SHANK2: variants seen among roughly 807,000 people sequenced by gnomAD.
SHANK2 encodes SH3 and multiple ankyrin repeat domains 2, also known as SH3 and multiple ankyrin repeat domains protein 2.
A neutral mutation model predicts 133.7 loss-of-function variants in SHANK2; 43 were observed. That is an observed-to-expected ratio of 0.32 (90% CI 0.25 to 0.41). The LOEUF (loss-of-function observed/expected upper bound fraction) is 0.41, where lower values mean the gene tolerates loss of function less well. Ranked by LOEUF, SHANK2 falls within the 10% of genes least tolerant of loss-of-function variation. SHANK2 has a pLI of 1.00. For missense variants in SHANK2, 1,994 were observed against 2,235.8 expected (o/e 0.89, Z 2.18); for synonymous variants, 1,017 against 952.8 (o/e 1.07, Z -1.24).
At chr11:71,102,774 AC>A in intron 6 of SHANK2, among the ~76,000 whole-genome samples, 1 of 152,014 alleles carries the variant, frequency 6.6e-6, no homozygotes, top group African/African-American at 2.4e-5. Flanking sequence ...GAGAGCAGGG[AC>A]CCCCCAGGGC....
chr11:70,812,751 C>T (rs1411158835), intron 12 of SHANK2, among the ~76,000 whole-genome samples: 1 of 152,230 alleles, frequency 6.6e-6, no homozygotes, highest in African/African-American at 2.4e-5. Context: ...CTCCTGCTGT[C>T]CTGCCTGCAC....
intron 17 of SHANK2, among the ~76,000 whole-genome samples, chr11:70,518,094 T>C (rs1554970401): frequency 6.6e-6 from 1 of 152,162 alleles, no homozygotes; most frequent in Non-Finnish European, 1.5e-5. Context: ...TACATGACAG[T>C]AGAGAGATGA....
intron 10 of SHANK2, among the ~76,000 whole-genome samples, chr11:70,897,186 A>G (rs952802921): frequency 6.6e-6 from 1 of 152,198 alleles, no homozygotes; most frequent in East Asian, 1.9e-4. Flanking sequence ...GCAGTCAGGC[A>G]GGTAAAGCCA....
intron 2 of SHANK2, among the ~76,000 whole-genome samples, chr11:71,202,172 C>T (rs1954031770): frequency 6.6e-6 from 1 of 152,348 alleles, no homozygotes; most frequent in East Asian, 1.9e-4. Context: ...TTTAAGGCAT[C>T]TGCATGGGCC....
At position 70,492,432 on chromosome 11, in the gene SHANK2, G is replaced by T; in HGVS notation, c.2342C>A (p.Pro781His). The T allele has an allele frequency of 6.2e-7, 1 of 1,614,036 alleles. No homozygotes were observed. ...KPEEIVPASKPSRAAENMAVE... is the reference protein window; with the variant it reads ...KPEEIVPASKHSRAAENMAVE... ...AGCCATGTTCTCAGCAGCGCGGGAG[G>T]GCTTGGAGGCCGGGACTATCTCCTC... Residue 781 changes from proline to histidine, a missense_variant, in exon 22 of 26, where the codon CCC (proline) becomes CAC (histidine). Physicochemically the swap from Pro to His is moderately conservative, Grantham distance 77. This residue lies in a region of SHANK2 where 488 missense variants were observed against 642.6 expected (regional missense o/e 0.76). Transcript: ENST00000601538.
intron 17 of SHANK2, chr11:70,604,119 G>C (rs1454682590): frequency 6.6e-6 from 1 of 152,230 alleles, no homozygotes; most frequent in African/African-American, 2.4e-5. Flanking sequence ...CTGGAGGGAG[G>C]GACAGCCCCT....
intron 6 of SHANK2, among the ~76,000 whole-genome samples, chr11:71,101,785 A>G (rs142087228): frequency 6.6e-6 from 1 of 152,276 alleles, no homozygotes; most frequent in East Asian, 1.9e-4. Flanking sequence ...GAGGCCTCCT[A>G]ACTGAGCGGT....
intron 10 of SHANK2, among the ~76,000 whole-genome samples, chr11:70,916,440 C>T (rs945056650): frequency 1.2e-4 from 18 of 152,102 alleles, no homozygotes; most frequent in Non-Finnish European, 1.5e-4. Context: ...TTCTGAAATG[C>T]GAGGCTGGCA....
Position 70,807,280 on chromosome 11 carries a change from C to A in SHANK2, c.1494-109G>T. The A allele has an allele frequency of 3.0e-6, 2 of 665,648 alleles. No individual in the cohort carries two copies. Among genetic ancestry groups the A allele is most frequent in the East Asian group, 5.5e-5 (2 of 36,672 alleles). The allele number at this position is 665,648 out of a possible 1,614,324, so 41.2% of individuals were successfully genotyped here. On this transcript the variant is annotated intron_variant, in intron 12 of 25. Transcript: ENST00000601538. This position sits in a 1 kb window ranked among gnomAD's most constrained non-coding sequence, Gnocchi z 4.8. ...TCAACGCATGCTGCGCCTCGGCTGG[C>A]CGCATCAGAACTCCTGATGCCAGAC...
rs1387452894 is a variant in SHANK2, at chr11:70,500,688, G to A, written c.2288-98C>T. The A allele has an allele frequency of 6.1e-5, 92 of 1,510,468 alleles. No homozygotes were observed. The highest frequency in any genetic ancestry group is 1.8e-4 in the Admixed American group (9 of 51,172). 93.6% of individuals were successfully genotyped at this position (1,510,468 alleles called of 1,614,324 possible). On this transcript the variant is annotated intron_variant, in intron 20 of 25. Coordinates refer to ENST00000601538, the MANE Select transcript of SHANK2 (RefSeq NM_012309.5). The surrounding 1 kb of genome is among the most constrained non-coding windows in gnomAD (Gnocchi z 4.5). ...GTCAGCTCAGGGCGCCTCAGGAGCA[G>A]GCTGGGCCGGCAATGGGGCGGCAGG...
intron 15 of SHANK2, among the ~76,000 whole-genome samples, chr11:70,691,410 C>T (rs1412211047): frequency 1.3e-5 from 2 of 152,124 alleles, no homozygotes; most frequent in Non-Finnish European, 2.9e-5. Flanking sequence ...CAGAGAAGAG[C>T]AGTACTCCCT....
intron 2 of SHANK2, among the ~76,000 whole-genome samples, chr11:71,159,784 G>A (rs1270734571): frequency 6.6e-6 from 1 of 152,012 alleles, no homozygotes; most frequent in Non-Finnish European, 1.5e-5. Flanking sequence ...AGGAGTTCGA[G>A]ACCAGCCTGG....
At chr11:70,719,225 C>A (rs144170108) in intron 14 of SHANK2, among the ~76,000 whole-genome samples, 1 of 152,182 alleles carries the variant, frequency 6.6e-6, no homozygotes, top group South Asian at 2.1e-4. Flanking sequence ...CACTTTGTGA[C>A]GGTTCAAATA....
chr11:70,724,331 T>C (rs1946133393), intron 14 of SHANK2, among the ~76,000 whole-genome samples: 1 of 152,190 alleles, frequency 6.6e-6, no homozygotes, highest in East Asian at 1.9e-4. Context: ...CCACCGTGCC[T>C]GGCTCAAAGT....
chr11:70,755,223 C>G (rs1343620838), intron 14 of SHANK2, among the ~76,000 whole-genome samples: 1 of 152,152 alleles, frequency 6.6e-6, no homozygotes, highest in Admixed American at 6.5e-5. Context: ...AGGTGGCCAC[C>G]ACCACACTCA....
intron 2 of SHANK2, among the ~76,000 whole-genome samples, chr11:71,153,664 C>T (rs1456571789): frequency 6.6e-6 from 1 of 152,208 alleles, no homozygotes; most frequent in African/African-American, 2.4e-5. Flanking sequence ...TTTGTAAACA[C>T]CTTTAAAACT....
intron 14 of SHANK2, among the ~76,000 whole-genome samples, chr11:70,772,017 T>C (rs1317197881): frequency 6.6e-6 from 1 of 152,142 alleles, no homozygotes; most frequent in African/African-American, 2.4e-5. Flanking sequence ...GAACCCACTG[T>C]GTAAGCTGTG....
intron 14 of SHANK2, among the ~76,000 whole-genome samples, chr11:70,761,190 T>C (rs1477894872): frequency 6.6e-6 from 1 of 152,142 alleles, no homozygotes; most frequent in African/African-American, 2.4e-5. Flanking sequence ...TATCTGGTGA[T>C]GGGGCCTTTG....
intron 11 of SHANK2, among the ~76,000 whole-genome samples, chr11:70,828,684 G>T (rs1319611566): frequency 3.9e-5 from 6 of 152,234 alleles, no homozygotes; most frequent in African/African-American, 1.4e-4. Context: ...CTGGCTGCCT[G>T]CCCTGGCTGG....
Sources: gnomAD v4.1 joint callset for allele counts (sites outside exome capture counted in the v4.1 genomes callset) on GRCh38, gnomAD v4.1.1 for gene constraint, gnomAD v4.1.1 regional missense constraint, Gnocchi (gnomAD v3.1) non-coding constraint, MANE v1.5 for transcripts, NCBI Gene and HGNC (gene_info 2026-07-23, HGNC 2026-07-21) for gene names.